The following MCTP2 variants were observed in gnomAD, a reference collection of about 807,000 sequenced individuals.
MCTP2 encodes the protein multiple C2 and transmembrane domain-containing protein 2.
A neutral mutation model predicts 111.6 loss-of-function variants in MCTP2; 132 were observed. That is an observed-to-expected ratio of 1.18 (90% CI 1.03 to 1.37). MCTP2 has a LOEUF of 1.37. Among genes scored for constraint, MCTP2 ranks in the 40% most tolerant of loss-of-function variants. The pLI, the probability that MCTP2 is intolerant of heterozygous loss-of-function variation, is 0.00. For synonymous variants in MCTP2, 395 were observed against 387.7 expected (o/e 1.02, Z -0.22); for missense variants, 1,183 against 1,067.9 (o/e 1.11, Z -1.50).
At chr15:94,298,110 T>C (rs1199614905) in intron 1 of MCTP2, 91 bp from the exon 2 acceptor site, 12 of 528,626 alleles carry the variant, frequency 2.3e-5, no homozygotes, top group Non-Finnish European at 3.6e-5. Context: ...TGAGTCGTGT[T>C]TCTCACTTTG....
chr15:94,244,035 ATATT>A (rs1220081867), intron 1 of MCTP2, among the ~76,000 whole-genome samples: 4 of 147,216 alleles, frequency 2.7e-5, no homozygotes, highest in Admixed American at 1.3e-4. Context: ...GTATGTGTAT[ATATT>A]GCACACATAT....
intron 14 of MCTP2, among the ~76,000 whole-genome samples, chr15:94,395,753 AG>A (rs1273167329): frequency 3.3e-5 from 5 of 152,214 alleles, no homozygotes. Flanking sequence ...AAATAGCTTA[AG>A]CATGACTCTG....
intron 8 of MCTP2, among the ~76,000 whole-genome samples, chr15:94,346,911 T>G (rs1273973495): frequency 6.6e-6 from 1 of 152,162 alleles, no homozygotes; most frequent in Non-Finnish European, 1.5e-5. Flanking sequence ...TTTGTCTTTT[T>G]TTTGCTTTTT....
chr15:94,272,186 T>C (rs181765155), intron 1 of MCTP2, among the ~76,000 whole-genome samples: 18 of 152,256 alleles, frequency 1.2e-4, no homozygotes, highest in Admixed American at 1.1e-3. Flanking sequence ...CCTTCTCTTA[T>C]ATTTGTATGT....
At chr15:94,377,174 C>G (rs1401754256) in intron 12 of MCTP2, among the ~76,000 whole-genome samples, 3 of 152,110 alleles carry the variant, frequency 2.0e-5, no homozygotes, top group African/African-American at 7.2e-5. Flanking sequence ...CAACCACATG[C>G]CCATATTATG....
chr15:94,325,137 G>T (rs543837258), intron 4 of MCTP2, among the ~76,000 whole-genome samples: 1 of 152,222 alleles, frequency 6.6e-6, no homozygotes, highest in Non-Finnish European at 1.5e-5. Flanking sequence ...GTGGGTGAGG[G>T]TTATGCGTGG....
intron 17 of MCTP2, among the ~76,000 whole-genome samples, chr15:94,422,858 T>C (rs1030807474): frequency 1.3e-5 from 2 of 152,168 alleles, no homozygotes; most frequent in East Asian, 3.8e-4. Context: ...AGTCATCGTC[T>C]TTTTTCTTTT....
intron 17 of MCTP2, among the ~76,000 whole-genome samples, chr15:94,419,900 A>G (rs568233424): frequency 6.6e-6 from 1 of 152,138 alleles, no homozygotes; most frequent in Non-Finnish European, 1.5e-5. Context: ...ACAGATTTTC[A>G]ATGTAGAAGA....
At chr15:94,439,494 C>T (rs2083657252) in intron 17 of MCTP2, among the ~76,000 whole-genome samples, 1 of 151,968 alleles carries the variant, frequency 6.6e-6, no homozygotes. Flanking sequence ...CTTATTTATC[C>T]TAATTAGTGT....
At chr15:94,356,344 TAAAAA>T (rs537136142) in intron 9 of MCTP2, 43 bp downstream of exon 9, 1 of 1,414,770 alleles carries the variant, frequency 7.1e-7, no homozygotes, top group East Asian at 2.7e-5. Flanking sequence ...ATCTTTAAAA[TAAAAA>T]AAAATTAAAA....
rs760633548 is a variant in MCTP2 at position 94,257,569 on chromosome 15, G to GTTTTTTTTTTTTTTTTTTTTTTTTTT, written c.-66+25915_-66+25940dup. On this transcript the variant is annotated intron_variant, in intron 1 of 22. Transcript: ENST00000357742. ...AATATTTGTTGTCATTTTCTTTGTT[G>GTTTTTTTTTTTTTTTTTTTTTTTTTT]TTTTTTTTTTTTTTTTTTTTTTTTT... Among the ~76,000 whole-genome samples the GTTTTTTTTTTTTTTTTTTTTTTTTTT allele has an allele frequency of 2.5e-3, 86 of 33,842 alleles. 19 individuals are homozygous for GTTTTTTTTTTTTTTTTTTTTTTTTTT. Among genetic ancestry groups the GTTTTTTTTTTTTTTTTTTTTTTTTTT allele is most frequent in the East Asian group, 7.9e-3 (8 of 1,018 alleles). The allele number at this position is 33,842 out of a possible 152,430, so 22.2% of individuals were successfully genotyped here.
intron 1 of MCTP2, among the ~76,000 whole-genome samples, chr15:94,259,450 G>A (rs1280960408): frequency 1.3e-5 from 2 of 152,106 alleles, no homozygotes; most frequent in Admixed American, 1.3e-4. Flanking sequence ...AGAAACTTTT[G>A]CAAATGGAAA....
intron 4 of MCTP2, among the ~76,000 whole-genome samples, chr15:94,334,263 T>C (rs936210475): frequency 6.6e-6 from 1 of 152,200 alleles, no homozygotes. Flanking sequence ...ATAAGGAAGC[T>C]GAGTAAATGG....
chr15:94,287,268 A>G lies in MCTP2; in HGVS notation c.-65-10933A>G, dbSNP rs1352094854. Reference sequence around the variant, plus strand: ...TTTTTTTTTCTGGACACATCTTTTTATGTTTATATGTTTGTAATTCTTTAT... The same window carrying G: ...TTTTTTTTTCTGGACACATCTTTTTGTGTTTATATGTTTGTAATTCTTTAT... On this transcript the variant is annotated intron_variant, in intron 1 of 22. Coordinates refer to ENST00000357742, the MANE Select transcript of MCTP2 (RefSeq NM_001385001.1). 2.0e-5 allele frequency among the ~76,000 whole-genome samples: 3 copies of G among 148,828 alleles called. No homozygotes were observed. In the East Asian group the frequency reaches 5.9e-4, roughly 29 times the overall value.
At chr15:94,429,464 C>T (rs2083060280) in intron 17 of MCTP2, among the ~76,000 whole-genome samples, 1 of 152,180 alleles carries the variant, frequency 6.6e-6, no homozygotes, top group Non-Finnish European at 1.5e-5. Context: ...TTTTACTAAA[C>T]TCTCATTTCA....
At chr15:94,442,570 A>G (rs1165963357) in intron 18 of MCTP2, among the ~76,000 whole-genome samples, 1 of 152,240 alleles carries the variant, frequency 6.6e-6, no homozygotes, top group Non-Finnish European at 1.5e-5. Context: ...CTAGTGGAGT[A>G]TGGTATTCTC....
chr15:94,265,898 T>C (rs898019419), intron 1 of MCTP2, among the ~76,000 whole-genome samples: 1 of 152,180 alleles, frequency 6.6e-6, no homozygotes, highest in Non-Finnish European at 1.5e-5. Context: ...TTTTAATCAT[T>C]TCATTTCAGA....
intron 2 of MCTP2, among the ~76,000 whole-genome samples, chr15:94,301,367 G>T (rs1476038439): frequency 6.6e-6 from 1 of 152,122 alleles, no homozygotes; most frequent in Admixed American, 6.5e-5. Flanking sequence ...TTTGAGTTGG[G>T]CCTGTCCCAC....
intron 21 of MCTP2, among the ~76,000 whole-genome samples, chr15:94,474,706 A>G (rs147795536): frequency 6.6e-6 from 1 of 152,332 alleles, no homozygotes; most frequent in Non-Finnish European, 1.5e-5. Flanking sequence ...AAACAAAAAA[A>G]GGAACCAAGG....
Sources: gnomAD v4.1 joint callset for allele counts (sites outside exome capture counted in the v4.1 genomes callset) on GRCh38, gnomAD v4.1.1 for gene constraint, MANE v1.5 for transcripts, NCBI Gene and HGNC (gene_info 2026-07-23, HGNC 2026-07-21) for gene names.